Variants in KCTD1 observed in about 807,000 individuals in gnomAD.
KCTD1 encodes the protein potassium channel tetramerization domain containing 1.
Under a neutral mutation model 66.0 loss-of-function variants are expected in KCTD1, and 24 were observed. The ratio of observed to expected loss-of-function variants is 0.36; its 90% confidence interval spans 0.26 to 0.51. KCTD1 has a LOEUF of 0.51. Ranked by LOEUF, KCTD1 falls within the 20% of genes least tolerant of loss-of-function variation. The pLI is 0.95. For missense variants in KCTD1, 943 were observed against 1,205.2 expected (o/e 0.78, Z 3.22); for synonymous variants, 511 against 517.2 (o/e 0.99, Z 0.16).
intron 1 of KCTD1, among the ~76,000 whole-genome samples, chr18:26,531,458 A>T (rs1333728752): frequency 6.6e-6 from 1 of 152,254 alleles, no homozygotes; most frequent in Non-Finnish European, 1.5e-5. Flanking sequence ...GTATATGTGT[A>T]TATACCCTTA....
chr18:26,472,885 G>C (rs1478466979), intron 3 of KCTD1, among the ~76,000 whole-genome samples: 1 of 152,188 alleles, frequency 6.6e-6, no homozygotes, highest in African/African-American at 2.4e-5. Context: ...CTTCAACTAT[G>C]CCATTCATCA....
upstream of KCTD1, among the ~76,000 whole-genome samples, chr18:26,642,943 G>A (rs879807406): frequency 3.3e-5 from 5 of 152,168 alleles, no homozygotes; most frequent in Non-Finnish European, 5.9e-5. Flanking sequence ...GTGCACTGGC[G>A]TGAGGGGAGG....
intron 1 of KCTD1, 73 bp downstream of exon 1, chr18:26,546,655 C>G: frequency 2.7e-6 from 4 of 1,454,654 alleles, no homozygotes; most frequent in Admixed American, 2.6e-5. Context: ...CTACCCAGAG[C>G]TGCATTAGCA....
At position 26,548,114 on chromosome 18, in the gene KCTD1, C is replaced by A. The variant is rs1166928848; in HGVS notation, c.423G>T (p.Ala141=). ...CGGGCGGCCCACCGCGGGCCCGGGGCGCCAGCAGTCGCGGCGGCGCCTCGG... is the reference window on the plus strand; with the variant it reads ...CGGGCGGCCCACCGCGGGCCCGGGGAGCCAGCAGTCGCGGCGGCGCCTCGG... The part of the protein sequence containing the change: ...LEPEAPPRLL[A]PRARGGPPGD... Residue 141 remains alanine (A), a synonymous_variant, in exon 1 of 5, where the codon GCG becomes GCT. Transcript: ENST00000580059. 1 of 1,306,698 alleles carries A rather than the reference C, an allele frequency of 7.7e-7. No individual in the cohort carries two copies. Among genetic ancestry groups the A allele is most frequent in the Non-Finnish European group, 9.6e-7 (1 of 1,037,050 alleles). The allele number at this position is 1,306,698 out of a possible 1,614,324, so 80.9% of individuals were successfully genotyped here.
At chr18:26,555,926 T>C (rs1985696809) in intron 1 of KCTD1, among the ~76,000 whole-genome samples, 1 of 152,142 alleles carries the variant, frequency 6.6e-6, no homozygotes, top group Non-Finnish European at 1.5e-5. Flanking sequence ...ATTTTGAAGC[T>C]CTAGATATCA....
At chr18:26,524,758 G>A (rs1041488602) in intron 1 of KCTD1, among the ~76,000 whole-genome samples, 1 of 152,104 alleles carries the variant, frequency 6.6e-6, no homozygotes, top group African/African-American at 2.4e-5. Flanking sequence ...GGGATTGGCA[G>A]TCAGAAATAG....
At chr18:26,633,301 CATA>C (rs1256597014), upstream of KCTD1, among the ~76,000 whole-genome samples, 1 of 151,958 alleles carries the variant, frequency 6.6e-6, no homozygotes, top group Non-Finnish European at 1.5e-5. Flanking sequence ...TGTTTTATAC[CATA>C]AACAAAAATA....
intron 2 of KCTD1, among the ~76,000 whole-genome samples, chr18:26,497,549 TTC>T (rs1360614126): frequency 6.6e-6 from 1 of 152,214 alleles, no homozygotes; most frequent in Non-Finnish European, 1.5e-5. Context: ...GAACTAGTTC[TTC>T]TCTGTTTCTT....
rs147755013 is a variant in KCTD1 at position 26,620,807 on chromosome 18, G to C, written c.-16+8340C>G. Among the ~76,000 whole-genome samples the C allele has an allele frequency of 2.3e-3, 336 of 148,510 alleles. 4 individuals are homozygous for C. The highest frequency in any genetic ancestry group is 0.011 in the South Asian group (53 of 4,672). ...GTGGTGTAGCTTTATTCACTGCATAGCAGTCATCCTGAAACACTTGAAAAG... is the reference window on the plus strand; with the variant it reads ...GTGGTGTAGCTTTATTCACTGCATACCAGTCATCCTGAAACACTTGAAAAG... On this transcript the variant is annotated intron_variant, in intron 1 of 4. Coordinates refer to the KCTD1 transcript ENST00000317932.
At chr18:26,647,260 G>C (rs1987940795) in intron 1 of KCTD1, among the ~76,000 whole-genome samples, 1 of 151,602 alleles carries the variant, frequency 6.6e-6, no homozygotes, top group Admixed American at 6.6e-5. Context: ...TGTAACCCCA[G>C]CACTTTGGGA....
In KCTD1 at chr18:26,495,825, T is replaced by C. The variant is rs542106560; in HGVS notation, c.1988+5247A>G. 1.2e-4 allele frequency among the ~76,000 whole-genome samples: 18 copies of C among 152,298 alleles called. No individual in the cohort carries two copies. In the Middle Eastern group the frequency reaches 0.014, roughly 118 times the overall value. On this transcript the variant is annotated intron_variant, in intron 2 of 4. Coordinates refer to ENST00000580059, the MANE Select transcript of KCTD1 (RefSeq NM_001142730.3). Reference sequence around the variant, plus strand: ...GATAGTAATAACCTATTACACTTGATAGGTTCGATGAATTAGTAGTATCAA... The same window carrying C: ...GATAGTAATAACCTATTACACTTGACAGGTTCGATGAATTAGTAGTATCAA...
chr18:26,513,444 A>G (rs7233161), intron 1 of KCTD1, among the ~76,000 whole-genome samples: 38,555 of 152,178 alleles, frequency 0.25, 5,450 homozygotes, highest in Non-Finnish European at 0.3. Context: ...CCACATTACA[A>G]AGATCACACT....
At chr18:26,551,891 T>C (rs1985579242), upstream of KCTD1, among the ~76,000 whole-genome samples, 1 of 152,236 alleles carries the variant, frequency 6.6e-6, no homozygotes, top group Non-Finnish European at 1.5e-5. Flanking sequence ...CTCCATATCA[T>C]GAAGTCCGTT....
intron 1 of KCTD1, among the ~76,000 whole-genome samples, chr18:26,582,425 C>A (rs1986376408): frequency 6.6e-6 from 1 of 152,172 alleles, no homozygotes; most frequent in African/African-American, 2.4e-5. Context: ...TCTCAGCTAA[C>A]AAGAACACAT....
intron 1 of KCTD1, among the ~76,000 whole-genome samples, chr18:26,562,720 A>G (rs1985889762): frequency 6.6e-6 from 1 of 152,212 alleles, no homozygotes; most frequent in African/African-American, 2.4e-5. Context: ...TGGAGGCTGG[A>G]AGTCCAAGAT....
chr18:26,505,482 C>G (rs932930203), intron 1 of KCTD1, among the ~76,000 whole-genome samples: 4 of 152,246 alleles, frequency 2.6e-5, no homozygotes, highest in African/African-American at 9.6e-5. Flanking sequence ...GGAGAGGAAC[C>G]CTTGTCTTAA....
chr18:26,574,814 C>T (rs1421126689), intron 1 of KCTD1, among the ~76,000 whole-genome samples: 1 of 152,084 alleles, frequency 6.6e-6, no homozygotes, highest in Non-Finnish European at 1.5e-5. Flanking sequence ...TGTTAGATAG[C>T]TTCACATCAT....
chr18:26,628,511 G>A (rs911876535), intron 1 of KCTD1, among the ~76,000 whole-genome samples: 5 of 152,020 alleles, frequency 3.3e-5, no homozygotes, highest in African/African-American at 4.8e-5. Flanking sequence ...CATGCCAAAG[G>A]CACTAAGAAG....
chr18:26,499,520 C>A (rs1598899048), intron 2 of KCTD1, among the ~76,000 whole-genome samples: 3 of 152,264 alleles, frequency 2.0e-5, no homozygotes, highest in South Asian at 4.1e-4. Context: ...TTATTTAAAT[C>A]ATTTCAATTG....
Sources: allele counts gnomAD v4.1 joint callset (sites outside exome capture counted in the v4.1 genomes callset), GRCh38; gene constraint gnomAD v4.1.1; transcripts MANE v1.5; gene names NCBI Gene and HGNC (gene_info 2026-07-23, HGNC 2026-07-21).